Variants in MVP observed in about 807,000 individuals in gnomAD.
MVP encodes the protein major vault protein.
In MVP, 62 loss-of-function variants were observed where a neutral mutation model predicts 83.5. The observed-to-expected ratio is 0.74, with a 90% CI of 0.61 to 0.92. The LOEUF (loss-of-function observed/expected upper bound fraction) is 0.92, where lower values mean the gene tolerates loss of function less well. MVP is among the 40% of genes least tolerant of loss of function. MVP has a pLI of 0.00. For missense variants in MVP, 1,000 were observed against 1,203.4 expected (o/e 0.83, Z 2.50); for synonymous variants, 505 against 504.1 (o/e 1.00, Z -0.02).
intron 13 of MVP, 59 bp downstream of exon 13, chr16:29,846,343 C>G: frequency 6.6e-7 from 1 of 1,514,360 alleles, no homozygotes. Context: ...AGGCCCATTC[C>G]CTACAGTCCC....
rs2067467122 is a variant in MVP at position 29,834,128 on chromosome 16, C to A, written c.577+62C>A. On this transcript the variant is annotated intron_variant, in intron 5 of 14. Coordinates refer to ENST00000357402, the MANE Select transcript of MVP (RefSeq NM_005115.5). ...GGAGGGGTCCCCACTGCAGGGGAAG[C>A]AGGGGAAGGTTGAGGAAAGCCTCCT... is the stretch of plus-strand genomic sequence containing the variant. 2.5e-6 allele frequency: 4 copies of A among 1,580,094 alleles called. No individual in the cohort carries two copies. The East Asian group carries it at 9.2e-5, about 37-fold the overall frequency.
At chr16:29,844,900 G>A (rs527953564) in intron 11 of MVP, 21 bp downstream of exon 11, 12 of 1,585,846 alleles carry the variant, frequency 7.6e-6, no homozygotes, top group East Asian at 2.2e-5. Flanking sequence ...CTGGGAGCTC[G>A]GCTGCCTATA....
At chr16:29,839,707 C>CT (rs1812625902) in intron 7 of MVP, among the ~76,000 whole-genome samples, 1 of 136,196 alleles carries the variant, frequency 7.3e-6, no homozygotes, top group Non-Finnish European at 1.5e-5. Flanking sequence ...TTGCTTGAGC[C>CT]TGGAAGGTTG....
At chr16:29,823,096 A>AT (rs970817189) in intron 1 of MVP, among the ~76,000 whole-genome samples, 37 of 123,722 alleles carry the variant, frequency 3.0e-4, no homozygotes, top group East Asian at 2.3e-3. Flanking sequence ...AAGAGCAGTC[A>AT]TTTTTTTTTC....
intron 5 of MVP, 183 bp downstream of exon 5, chr16:29,834,249 C>G: frequency 1.2e-6 from 1 of 807,106 alleles, no homozygotes; most frequent in Non-Finnish European, 1.9e-6. Context: ...GCTGTTTCCA[C>G]TTGGGCTGGA....
intron 5 of MVP, chr16:29,834,904 T>G (rs1314161504): frequency 6.7e-6 from 1 of 149,132 alleles, no homozygotes; most frequent in Admixed American, 6.7e-5. Context: ...GAGACAGGGT[T>G]TCACCATGTT....
At chr16:29,842,238 T>C in intron 10 of MVP, 126 bp downstream of exon 10, 1 of 939,062 alleles carries the variant, frequency 1.1e-6, no homozygotes, top group South Asian at 1.6e-5. Flanking sequence ...CCCACTATAC[T>C]CCAGCCTGGG....
At chr16:29,843,247 T>G (rs902353941) in intron 10 of MVP, among the ~76,000 whole-genome samples, 1 of 151,878 alleles carries the variant, frequency 6.6e-6, no homozygotes, top group African/African-American at 2.4e-5. Context: ...ATCCCAGCAC[T>G]TTGGGAGGCT....
rs761081167 is a variant in MVP at position 29,835,688 on chromosome 16, T to A, written c.578-16T>A. 1 of 1,611,388 alleles carries A rather than the reference T, an allele frequency of 6.2e-7. No homozygotes were observed. Among genetic ancestry groups the A allele is most frequent in the Non-Finnish European group, 8.5e-7 (1 of 1,178,068 alleles). ...GCTGGGGGGCCCTTGTCCCTTACCC[T>A]CCACTCTTGGCCCAGGGGAAGAATG... On this transcript the variant is annotated splice_polypyrimidine_tract_variant and intron_variant, in intron 5 of 14. Coordinates refer to ENST00000357402, the MANE Select transcript of MVP (RefSeq NM_005115.5).
At chr16:29,829,478 A>AT (rs397932661) in intron 1 of MVP, 13 of 149,210 alleles carry the variant, frequency 8.7e-5, no homozygotes, top group Admixed American at 6.7e-4. Flanking sequence ...AAAAAAAAAA[A>AT]GTCTGACCTG....
intron 13 of MVP, 148 bp downstream of exon 13, chr16:29,846,432 T>C: frequency 8.0e-7 from 1 of 1,253,298 alleles, no homozygotes; most frequent in African/African-American, 1.5e-5. Context: ...CTTTGCCTTG[T>C]AGGATTCATT....
At chr16:29,827,029 G>A (rs1391853884) in intron 1 of MVP, among the ~76,000 whole-genome samples, 1 of 152,048 alleles carries the variant, frequency 6.6e-6, no homozygotes, top group Non-Finnish European at 1.5e-5. Context: ...CAACTGGGGG[G>A]TGGAATCAAA....
rs1326193196 is a variant in MVP, at chr16:29,846,250, C to A, written c.2231C>A (p.Ala744Asp). ...RIEGEGSVLQ[A>D]KLKAQALAIE... Reference sequence around the variant, plus strand: ...GAGGGAGAAGGGTCCGTGCTGCAGGCCAAGCTAAAAGCACAGGCCTTGGCC... The same window carrying A: ...GAGGGAGAAGGGTCCGTGCTGCAGGACAAGCTAAAAGCACAGGCCTTGGCC... The change falls in exon 13 of 15, where the codon GCC becomes GAC. Residue 744 changes from alanine to aspartate, a missense_variant. Transcript: ENST00000357402. The A allele has an allele frequency of 6.3e-7, 1 of 1,576,314 alleles. No individual in the cohort carries two copies. Among genetic ancestry groups the A allele is most frequent in the Non-Finnish European group, 8.6e-7 (1 of 1,160,346 alleles).
In MVP at chr16:29,840,356, T is replaced by C. The variant is rs757477394; in HGVS notation, c.1088T>C (p.Leu363Pro). Residue 363 changes from leucine (L) to proline (P), a missense_variant, in exon 8 of 15, where the codon CTG (leucine) becomes CCG (proline). Transcript: ENST00000357402. ...AGDHWLIRGP[L>P]EYVPSAKVEV... is the part of the protein sequence containing the mutation. ...GACCACTGGCTCATCCGCGGACCCC[T>C]GGAGTATGTGCCATCTGCCAAAGTG... The C allele has an allele frequency of 6.2e-7, 1 of 1,606,612 alleles. No individual in the cohort carries two copies. The highest frequency in any genetic ancestry group is 8.5e-7 in the Non-Finnish European group (1 of 1,177,044).
intron 6 of MVP, 48 bp downstream of exon 6, chr16:29,835,846 C>A (rs1305291228): frequency 6.7e-7 from 1 of 1,497,978 alleles, no homozygotes; most frequent in African/African-American, 1.4e-5. Context: ...GCTAGGGAAC[C>A]CTCCGAGTGG....
chr16:29,828,948 C>G (rs936500135), intron 1 of MVP, among the ~76,000 whole-genome samples: 1 of 152,122 alleles, frequency 6.6e-6, no homozygotes, highest in African/African-American at 2.4e-5. Context: ...CTGTATCCAG[C>G]CTTGATTCTG....
At chr16:29,829,316 C>T (rs1486228693) in intron 1 of MVP, among the ~76,000 whole-genome samples, 1 of 148,712 alleles carries the variant, frequency 6.7e-6, no homozygotes, top group Non-Finnish European at 1.5e-5. Context: ...GAGACCTCAT[C>T]TCTCCAAAAA....
chr16:29,826,825 G>A (rs1340105162), intron 1 of MVP, among the ~76,000 whole-genome samples: 1 of 151,602 alleles, frequency 6.6e-6, no homozygotes, highest in Non-Finnish European at 1.5e-5. Context: ...TACTTGGGAG[G>A]CTGAGGCAGG....
In MVP at chr16:29,836,738, G is replaced by A. The variant is rs771610931; in HGVS notation, c.689G>A (p.Arg230Gln). 4.2e-5 allele frequency: 67 copies of A among 1,595,150 alleles called. No individual in the cohort carries two copies. Among genetic ancestry groups the A allele is most frequent in the African/African-American group, 2.3e-4 (17 of 74,612 alleles). ...GCTCTGCAGACAGCCCTGCACCTCC[G>A]GGCTCGGCGGAACTTCCGGGACTTC... ...ILTEKTALHL[R>Q]ARRNFRDFRG... Residue 230 changes from arginine to glutamine, a missense_variant, in exon 7 of 15, where the codon CGG becomes CAG. Transcript: ENST00000357402.
Sources: gnomAD v4.1 joint callset for allele counts (sites outside exome capture counted in the v4.1 genomes callset) on GRCh38, gnomAD v4.1.1 for gene constraint, MANE v1.5 for transcripts, NCBI Gene and HGNC (gene_info 2026-07-23, HGNC 2026-07-21) for gene names.